Variants in EGFR observed in about 807,000 individuals in gnomAD.
EGFR encodes the protein epidermal growth factor receptor.
In EGFR, 58 loss-of-function variants were observed where a neutral mutation model predicts 143.0. The ratio of observed to expected loss-of-function variants is 0.41; its 90% CI spans 0.33 to 0.50. The LOEUF is 0.50. Among genes scored for constraint, EGFR ranks in the 20% least tolerant of loss-of-function variants. EGFR has a pLI of 0.39. For synonymous variants in EGFR, 613 were observed against 594.4 expected (o/e 1.03, Z -0.45); for missense variants, 1,307 against 1,579.0 (o/e 0.83, Z 2.92).
chr7:55,058,504 A>G lies in EGFR; in HGVS notation c.88+39139A>G, dbSNP rs143637161. 9.5e-4 allele frequency among the ~76,000 whole-genome samples: 144 copies of G among 152,370 alleles called. 1 individual carries two copies. Among genetic ancestry groups the G allele is most frequent in the African/African-American group, 3.4e-3 (140 of 41,590 alleles). On this transcript the variant is annotated intron_variant, in intron 1 of 27. Transcript: ENST00000275493. ...TGCATAAAGAAAATGTGGTACATATATACCACGAAATACTATGCAGCCATA... is the reference window on the plus strand; with the variant it reads ...TGCATAAAGAAAATGTGGTACATATGTACCACGAAATACTATGCAGCCATA...
Position 55,161,536 on chromosome 7 carries a change from C to T in EGFR, c.1536C>T (p.Pro512=), listed in dbSNP as rs374670788. 3.8e-5 allele frequency: 62 copies of T among 1,614,130 alleles called. No individual in the cohort carries two copies. Among genetic ancestry groups the T allele is most frequent in the Middle Eastern group, 3.3e-4 (2 of 6,082 alleles). The part of the protein sequence containing the change: ...TGQVCHALCS[P]EGCWGPEPRD... ...AGGTCTGCCATGCCTTGTGCTCCCC[C>T]GAGGGCTGCTGGGGCCCGGAGCCCA... is the stretch of plus-strand genomic sequence containing the variant. Residue 512 remains proline (P), a synonymous_variant, in exon 13 of 28, where the codon CCC becomes CCT. Transcript: ENST00000275493.
chr7:55,205,150 TC>T, intron 27 of EGFR, 105 bp from the exon 28 acceptor site: 1 of 1,533,590 alleles, frequency 6.5e-7, no homozygotes, highest in African/African-American at 1.4e-5. Context: ...CTGCTCCCTG[TC>T]ATAAGTCTCC....
rs531843287 is a variant in EGFR at position 55,189,546 on chromosome 7, A to G, written c.2470-2173A>G. Among the ~76,000 whole-genome samples, 17 of 152,344 alleles carry G rather than the reference A, an allele frequency of 1.1e-4. No homozygotes were observed. The South Asian group carries it at 3.5e-3, about 32-fold the overall frequency. ...GAAAGTTAGCAGTGGTGGTGAAACG[A>G]AGCTGGGAATGTGCTCTGAGGGCCT... On this transcript the variant is annotated intron_variant, in intron 20 of 27. Transcript: ENST00000275493.
intron 1 of EGFR, among the ~76,000 whole-genome samples, chr7:55,027,874 A>C (rs1786984612): frequency 6.6e-6 from 1 of 151,524 alleles, no homozygotes; most frequent in Non-Finnish European, 1.5e-5. Context: ...AATGTTACCT[A>C]TTTATTTGCA....
chr7:55,054,863 C>T (rs1788704703), intron 1 of EGFR, among the ~76,000 whole-genome samples: 1 of 152,196 alleles, frequency 6.6e-6, no homozygotes, highest in Non-Finnish European at 1.5e-5. Flanking sequence ...GTCCCCGTGA[C>T]CTGCAGAGGC....
chr7:55,141,266 T>G (rs1296642142), intron 1 of EGFR, among the ~76,000 whole-genome samples: 1 of 152,238 alleles, frequency 6.6e-6, no homozygotes, highest in Non-Finnish European at 1.5e-5. Flanking sequence ...TCTTTTGTTA[T>G]GCTTGCCTAA....
At chr7:55,089,966 ATTTAT>A (rs1459659748) in intron 1 of EGFR, among the ~76,000 whole-genome samples, 1 of 150,722 alleles carries the variant, frequency 6.6e-6, no homozygotes, top group Non-Finnish European at 1.5e-5. Context: ...TTATTTATTT[ATTTAT>A]TTATTTATTT....
At chr7:55,197,269 C>T (rs1021826822) in intron 22 of EGFR, among the ~76,000 whole-genome samples, 8 of 152,052 alleles carry the variant, frequency 5.3e-5, no homozygotes, top group African/African-American at 1.9e-4. Flanking sequence ...CTTTTTGTGG[C>T]AATTGTGAAT....
intron 1 of EGFR, among the ~76,000 whole-genome samples, chr7:55,083,350 A>G (rs796084863): frequency 6.6e-5 from 10 of 152,332 alleles, no homozygotes; most frequent in African/African-American, 2.2e-4. Flanking sequence ...TTCTTTAGAC[A>G]ATAACTCAGC....
intron 15 of EGFR, among the ~76,000 whole-genome samples, chr7:55,166,142 A>G (rs1398186766): frequency 6.6e-6 from 1 of 152,010 alleles, no homozygotes; most frequent in African/African-American, 2.4e-5. Flanking sequence ...CAAGAGCGAA[A>G]CTCTGTCGCA....
At chr7:55,061,777 A>C (rs1789198244) in intron 1 of EGFR, among the ~76,000 whole-genome samples, 1 of 152,122 alleles carries the variant, frequency 6.6e-6, no homozygotes, top group African/African-American at 2.4e-5. Context: ...ACTGACTCTG[A>C]CTTAATCTAC....
intron 20 of EGFR, among the ~76,000 whole-genome samples, chr7:55,189,161 T>C (rs749719022): frequency 3.3e-5 from 5 of 152,054 alleles, no homozygotes; most frequent in Non-Finnish European, 5.9e-5. Flanking sequence ...TACACACATA[T>C]GCATATATAT....
chr7:55,095,622 C>G (rs960038667), intron 1 of EGFR, among the ~76,000 whole-genome samples: 4 of 152,142 alleles, frequency 2.6e-5, no homozygotes, highest in African/African-American at 7.2e-5. Context: ...CACACAGATA[C>G]AAACACATAC....
intron 6 of EGFR, 71 bp downstream of exon 6, chr7:55,152,735 A>C (rs1343047578): frequency 7.6e-7 from 1 of 1,310,660 alleles, no homozygotes; most frequent in African/African-American, 1.5e-5. Context: ...ACCAGGACAG[A>C]AGACTTCCTG....
chr7:55,095,820 A>G (rs1791432398), intron 1 of EGFR, among the ~76,000 whole-genome samples: 1 of 151,890 alleles, frequency 6.6e-6, no homozygotes, highest in Non-Finnish European at 1.5e-5. Flanking sequence ...ACACAGAGAG[A>G]CATACACACA....
intron 1 of EGFR, among the ~76,000 whole-genome samples, chr7:55,103,190 C>T (rs73135256): frequency 0.094 from 14,308 of 152,256 alleles, 936 homozygotes; most frequent in Admixed American, 0.14. Flanking sequence ...GAGGCATCCT[C>T]TGTTGGTGAA....
chr7:55,082,013 T>C (rs74578865), intron 1 of EGFR, among the ~76,000 whole-genome samples: 2,437 of 152,358 alleles, frequency 0.016, 71 homozygotes, highest in African/African-American at 0.055. Context: ...TTTCTTTTTG[T>C]TCCTTGTTAT....
At chr7:55,041,099 G>A (rs774055122) in intron 1 of EGFR, among the ~76,000 whole-genome samples, 1 of 152,200 alleles carries the variant, frequency 6.6e-6, no homozygotes, top group Non-Finnish European at 1.5e-5. Context: ...TGGTGTCAGA[G>A]TCAGTGATGA....
intron 1 of EGFR, among the ~76,000 whole-genome samples, chr7:55,091,882 AC>A: frequency 9.3e-6 from 1 of 107,604 alleles, no homozygotes; most frequent in Non-Finnish European, 2.1e-5. Context: ...ACACACACAC[AC>A]ACACACACCC....
Sources: allele counts gnomAD v4.1 joint callset (sites outside exome capture counted in the v4.1 genomes callset), GRCh38; gene constraint gnomAD v4.1.1; transcripts MANE v1.5; gene names NCBI Gene and HGNC (gene_info 2026-07-23, HGNC 2026-07-21).